The following ZNF569 variants were observed in gnomAD, a reference collection of about 807,000 sequenced individuals.
ZNF569 encodes the protein DNA-binding protein.
In ZNF569, 38 loss-of-function variants were observed where a neutral mutation model predicts 56.3. The ratio of observed to expected loss-of-function variants is 0.68; its 90% CI spans 0.52 to 0.88. ZNF569 has a LOEUF of 0.88. ZNF569 is among the 40% of genes least tolerant of loss of function. The pLI is 0.00. For synonymous variants in ZNF569, 241 were observed against 262.9 expected (o/e 0.92, Z 0.81); for missense variants, 666 against 809.2 (o/e 0.82, Z 2.15).
intron 2 of ZNF569, among the ~76,000 whole-genome samples, chr19:37,464,342 A>G (rs1455619118): frequency 6.6e-6 from 1 of 152,138 alleles, no homozygotes; most frequent in African/African-American, 2.4e-5. Context: ...GGCGTGTGCT[A>G]CCACGCCTGG....
chr19:37,462,158 AC>A (rs1188942465), intron 2 of ZNF569, among the ~76,000 whole-genome samples: 5 of 152,260 alleles, frequency 3.3e-5, no homozygotes, highest in African/African-American at 1.2e-4. Context: ...ACAAGTTCTC[AC>A]CAACACATCT....
At chr19:37,458,255 A>G (rs535731125) in intron 2 of ZNF569, among the ~76,000 whole-genome samples, 56 of 152,302 alleles carry the variant, frequency 3.7e-4, no homozygotes, top group Admixed American at 9.8e-4. Context: ...TGTTTGTTAC[A>G]TGAGTATTAC....
In ZNF569 at chr19:37,413,300, A is replaced by G; in HGVS notation, c.1358T>C (p.Leu453Pro). 6.2e-7 allele frequency: 1 copy of G among 1,609,608 alleles called. No individual in the cohort carries two copies. The highest frequency in any genetic ancestry group is 8.5e-7 in the Non-Finnish European group (1 of 1,178,630). ...AGTATGAATTCTCTGGTGTCTAACAAGATTTGACATCTGTATAAAAGCTTT... is the reference window on the plus strand; with the variant it reads ...AGTATGAATTCTCTGGTGTCTAACAGGATTTGACATCTGTATAAAAGCTTT... Reference protein sequence around the residue: ...CGKAFIQMSNLVRHQRIHTGE... With the variant: ...CGKAFIQMSNPVRHQRIHTGE... Residue 453 changes from leucine to proline, a missense_variant, in exon 6 of 6, where the codon CTT becomes CCT. By Grantham distance (98) the Leu-to-Pro change is moderately conservative (BLOSUM62 -3). Coordinates refer to ENST00000316950, the MANE Select transcript of ZNF569 (RefSeq NM_152484.3).
At chr19:37,428,864 G>A (rs909010519) in intron 3 of ZNF569, among the ~76,000 whole-genome samples, 44 of 151,714 alleles carry the variant, frequency 2.9e-4, no homozygotes, top group Admixed American at 1.4e-3. Flanking sequence ...CAGTAGAGAC[G>A]GTGTTCCCAT....
chr19:37,417,903 C>T (rs544417125), intron 5 of ZNF569, among the ~76,000 whole-genome samples: 7 of 152,088 alleles, frequency 4.6e-5, no homozygotes, highest in African/African-American at 1.7e-4. Context: ...AGTTAAGAGA[C>T]TAGCCTGGCC....
intron 3 of ZNF569, among the ~76,000 whole-genome samples, chr19:37,433,278 A>G (rs539733268): frequency 1.0e-3 from 159 of 152,244 alleles, no homozygotes; most frequent in African/African-American, 3.3e-3. Flanking sequence ...GCCTGAAGAT[A>G]GGCTATTTGA....
chr19:37,455,969 C>T (rs1463793659), intron 2 of ZNF569, among the ~76,000 whole-genome samples: 1 of 152,162 alleles, frequency 6.6e-6, no homozygotes, highest in East Asian at 1.9e-4. Flanking sequence ...AGCTTCTTTA[C>T]TTTGTTTTCT....
intron 5 of ZNF569, among the ~76,000 whole-genome samples, chr19:37,417,309 G>A (rs1473426793): frequency 6.6e-6 from 1 of 152,120 alleles, no homozygotes; most frequent in Non-Finnish European, 1.5e-5. Context: ...AACCCAAGCT[G>A]GAGTGCAGTG....
Position 37,429,292 on chromosome 19 carries a change from C to T in ZNF569, c.16-2914G>A, listed in dbSNP as rs116557374. 3.0e-3 allele frequency among the ~76,000 whole-genome samples: 452 copies of T among 152,228 alleles called. 4 individuals carry two copies. Among genetic ancestry groups the T allele is most frequent in the African/African-American group, 0.01 (434 of 41,522 alleles). ...CTTCCTGTAGACTGGTAAGTCAATG[C>T]GACTTACCAGAGTCGAGAGCAAACA... On this transcript the variant is annotated intron_variant, in intron 3 of 5. Transcript: ENST00000316950.
Position 37,414,165 on chromosome 19 carries a change from A to C in ZNF569, c.493T>G (p.Cys165Gly), listed in dbSNP as rs2040889078. 1.2e-6 allele frequency: 2 copies of C among 1,613,540 alleles called. No individual in the cohort carries two copies. Among genetic ancestry groups the C allele is most frequent in the Non-Finnish European group, 1.7e-6 (2 of 1,179,804 alleles). ...GATTTCACAGGTTCATTATATTCAC[A>C]ATGCTCCTTTCTCATAAGGCATTTC... The part of the protein sequence containing the change: ...NVKCLMRKEH[C>G]EYNEPVKSYG... Residue 165 changes from cysteine to glycine, a missense_variant, in exon 6 of 6, where the codon TGT becomes GGT. Transcript: ENST00000316950.
intron 4 of ZNF569, 39 bp from the exon 5 acceptor site, chr19:37,426,002 T>C (rs1346341523): frequency 6.2e-7 from 1 of 1,602,448 alleles, no homozygotes; most frequent in Non-Finnish European, 8.5e-7. Context: ...GCATACATAC[T>C]AGGAACAAAG....
At chr19:37,447,694 AT>A (rs61372907) in intron 2 of ZNF569, among the ~76,000 whole-genome samples, 2,667 of 152,302 alleles carry the variant, frequency 0.018, 94 homozygotes, top group African/African-American at 0.061. Flanking sequence ...GAGATAAAGC[AT>A]TCAGTATCTC....
intron 2 of ZNF569, among the ~76,000 whole-genome samples, chr19:37,449,442 GT>G (rs1482135341): frequency 6.6e-6 from 1 of 152,152 alleles, no homozygotes; most frequent in Non-Finnish European, 1.5e-5. Context: ...TGAAAGAGAA[GT>G]TTTAAGTCCC....
chr19:37,459,235 C>CA (rs923814377), intron 2 of ZNF569, among the ~76,000 whole-genome samples: 33 of 149,552 alleles, frequency 2.2e-4, no homozygotes, highest in African/African-American at 5.9e-4. Flanking sequence ...AGATAAATAC[C>CA]AAAAAAAACC....
intron 3 of ZNF569, among the ~76,000 whole-genome samples, chr19:37,427,063 A>G (rs2041145027): frequency 6.6e-6 from 1 of 152,150 alleles, no homozygotes; most frequent in African/African-American, 2.4e-5. Flanking sequence ...CATGCCTGTA[A>G]TCCCAGCACT....
chr19:37,413,510 T>G lies in ZNF569; in HGVS notation c.1148A>C (p.Glu383Ala), dbSNP rs866228725. 6.2e-7 allele frequency: 1 copy of G among 1,613,308 alleles called. No homozygotes were observed. Among genetic ancestry groups the G allele is most frequent in the Non-Finnish European group, 8.5e-7 (1 of 1,179,752 alleles). ...VRIHTGEKPY[E>A]CNECGKAFSQ... Reference sequence around the variant, plus strand: ...GAAGGCTTTTCCACACTCATTACATTCATAGGGTTTTTCACCTGTATGAAT... The same window carrying G: ...GAAGGCTTTTCCACACTCATTACATGCATAGGGTTTTTCACCTGTATGAAT... Residue 383 changes from glutamate to alanine, a missense_variant, in exon 6 of 6, where the codon GAA (glutamate) becomes GCA (alanine). Coordinates refer to ENST00000316950, the MANE Select transcript of ZNF569 (RefSeq NM_152484.3).
Position 37,414,062 on chromosome 19 carries a change from A to G in ZNF569, c.596T>C (p.Leu199Ser). Reference protein sequence around the residue: ...NHCGKGFNQTLDLIRHLRIHT... With the variant: ...NHCGKGFNQTSDLIRHLRIHT... ...AATTCTCAGATGTCTGATGAGGTCC[A>G]AAGTCTGATTGAAGCCTTTTCCACA... Residue 199 changes from leucine (L) to serine (S), a missense_variant, in exon 6 of 6, where the codon TTG (leucine) becomes TCG (serine). Leu to Ser is a moderately radical substitution (Grantham distance 145). Transcript: ENST00000316950. The G allele has an allele frequency of 1.2e-6, 2 of 1,613,636 alleles. No individual in the cohort carries two copies. The highest frequency in any genetic ancestry group is 1.1e-5 in the South Asian group (1 of 91,070).
chr19:37,417,352 TG>T (rs982378030), intron 5 of ZNF569, among the ~76,000 whole-genome samples: 2 of 152,048 alleles, frequency 1.3e-5, no homozygotes, highest in Admixed American at 1.3e-4. Context: ...CCTTCGACGC[TG>T]GGGTTCAAAA....
At chr19:37,432,651 T>G (rs963867689) in intron 3 of ZNF569, among the ~76,000 whole-genome samples, 1 of 152,172 alleles carries the variant, frequency 6.6e-6, no homozygotes, top group Non-Finnish European at 1.5e-5. Flanking sequence ...TAAGACCATC[T>G]AGGAAAACAT....
Sources: allele counts gnomAD v4.1 joint callset (sites outside exome capture counted in the v4.1 genomes callset), GRCh38; gene constraint gnomAD v4.1.1; transcripts MANE v1.5; gene names NCBI Gene and HGNC (gene_info 2026-07-23, HGNC 2026-07-21).